The following PHF12 variants were observed in gnomAD, a reference collection of about 807,000 sequenced individuals.
The protein encoded by PHF12 is PHD factor 1.
In PHF12, 6 loss-of-function variants were observed where a neutral mutation model predicts 99.8. That is an observed-to-expected ratio of 0.06 (90% CI 0.03 to 0.12). The LOEUF (loss-of-function observed/expected upper bound fraction) is 0.12, where lower values mean the gene tolerates loss of function less well. Among genes scored for constraint, PHF12 ranks in the 10% least tolerant of loss-of-function variants. PHF12 has a pLI of 1.00. For missense variants in PHF12, 954 were observed against 1,300.1 expected, an observed-to-expected ratio of 0.73 and a Z score of 4.09; for synonymous variants, 480 against 514.9, an observed-to-expected ratio of 0.93 and a Z score of 0.92.
Position 28,950,740 on chromosome 17 carries a change from C to G in PHF12, c.66+155G>C, listed in dbSNP as rs1598170044. ...CGTCCTCGGAGGCTGAGCTCAGCCC[C>G]CTAAATTGCAAAGAGGGGAGGGAGA... On this transcript the variant is annotated intron_variant, in intron 1 of 14. Transcript: ENST00000332830. This position sits in a 1 kb window ranked among gnomAD's most constrained non-coding sequence, Gnocchi z 5.7. 14 of 1,120,962 alleles carry G rather than the reference C, an allele frequency of 1.2e-5. No homozygotes were observed. In the South Asian group the frequency reaches 2.4e-4, roughly 19 times the overall value. 69.4% of individuals were successfully genotyped at this position (1,120,962 alleles called of 1,614,324 possible). A position where few individuals can be genotyped will look rare whatever the true frequency, so the allele number is the denominator to read the frequency against.
chr17:28,950,884 G>A lies in PHF12; in HGVS notation c.66+11C>T, dbSNP rs752640860. On this transcript the variant is annotated intron_variant, in intron 1 of 14. Transcript: ENST00000332830. This position sits in a 1 kb window ranked among gnomAD's most constrained non-coding sequence, Gnocchi z 5.7. Reference sequence around the variant, plus strand: ...GCGCTGGAGGAAGGAGATGAGGAGGGCCACTCTTACCTCCATCAGCCCCCC... The same window carrying A: ...GCGCTGGAGGAAGGAGATGAGGAGGACCACTCTTACCTCCATCAGCCCCCC... 8 of 1,612,676 alleles carry A rather than the reference G, an allele frequency of 5.0e-6. No homozygotes were observed. In the South Asian group the frequency reaches 6.6e-5, roughly 13 times the overall value.
intron 2 of PHF12, among the ~76,000 whole-genome samples, chr17:28,948,861 A>C (rs1345053354): frequency 6.6e-6 from 1 of 152,224 alleles, no homozygotes; most frequent in Non-Finnish European, 1.5e-5. Flanking sequence ...CCCCTGCCTC[A>C]GTCAACTGTT....
chr17:28,938,868 A>G (rs1173811302), intron 2 of PHF12, among the ~76,000 whole-genome samples: 1 of 152,142 alleles, frequency 6.6e-6, no homozygotes, highest in Admixed American at 6.5e-5. Flanking sequence ...TTATGAGTTG[A>G]ACATACTTCT....
At chr17:28,926,828 C>A in intron 3 of PHF12, 163 bp downstream of exon 3, 2 of 1,537,260 alleles carry the variant, frequency 1.3e-6, no homozygotes, top group Non-Finnish European at 1.7e-6. Flanking sequence ...TTAGGCCCTA[C>A]TGGATTCCAA....
intron 7 of PHF12, among the ~76,000 whole-genome samples, chr17:28,915,391 G>A (rs968660218): frequency 6.7e-6 from 1 of 149,948 alleles, no homozygotes; most frequent in African/African-American, 2.5e-5. Context: ...AGGAGGAAGA[G>A]CAGATGTGGA....
chr17:28,942,026 T>C (rs568773453), intron 2 of PHF12, among the ~76,000 whole-genome samples: 1 of 152,324 alleles, frequency 6.6e-6, no homozygotes, highest in East Asian at 1.9e-4. Context: ...TGGTGGATTT[T>C]TTGTACTTCC....
chr17:28,929,593 C>T (rs1371481078), intron 2 of PHF12: 1 of 152,192 alleles, frequency 6.6e-6, no homozygotes, highest in Non-Finnish European at 1.5e-5. Context: ...ACCATTTCTA[C>T]ATAAAATAGC....
intron 5 of PHF12, among the ~76,000 whole-genome samples, chr17:28,920,429 C>G (rs1373997129): frequency 1.3e-5 from 2 of 152,234 alleles, no homozygotes; most frequent in Admixed American, 1.3e-4. Context: ...GAGACTATAA[C>G]TGGGGCAGCC....
intron 2 of PHF12, among the ~76,000 whole-genome samples, chr17:28,948,906 C>A (rs549552282): frequency 1.3e-5 from 2 of 152,260 alleles, no homozygotes; most frequent in South Asian, 4.1e-4. Context: ...TAGAACAAGA[C>A]GAAATCTGGG....
Position 28,913,888 on chromosome 17 carries a change from C to T in PHF12, c.1284G>A (p.Glu428=). 2 of 1,606,010 alleles carry T rather than the reference C, an allele frequency of 1.2e-6. No homozygotes were observed. Among genetic ancestry groups the T allele is most frequent in the Non-Finnish European group, 1.7e-6 (2 of 1,173,834 alleles). Residue 428 remains glutamate (E), a synonymous_variant, in exon 8 of 15, where the codon GAG becomes GAA. Coordinates refer to ENST00000332830, the MANE Select transcript of PHF12 (RefSeq NM_001033561.2). The part of the protein sequence containing the change: ...LNSEHLATQA[E]QQEWLCSVVA... ...CCCCACCTTCACTCACCTCTTGCTG[C>T]TCTGCTTGGGTGGCTAAGTGCTCAG...
rs929167536 is a variant in PHF12 at position 28,949,409 on chromosome 17, C to A, written c.248+656G>T. ...AAGCGGCGAGATCCCAGACGGGGCC[C>A]CCGAGGAGCTTCTGCAGAAAGGACT... On this transcript the variant is annotated intron_variant, in intron 2 of 14. Transcript: ENST00000332830. The surrounding 1 kb of genome is among the most constrained non-coding windows in gnomAD (Gnocchi z 4.6). Among the ~76,000 whole-genome samples, 3 of 152,180 alleles carry A rather than the reference C, an allele frequency of 2.0e-5. No homozygotes were observed. Among genetic ancestry groups the A allele is most frequent in the Non-Finnish European group, 4.4e-5 (3 of 68,028 alleles).
At chr17:28,942,035 C>T (rs1462554288) in intron 2 of PHF12, among the ~76,000 whole-genome samples, 1 of 152,110 alleles carries the variant, frequency 6.6e-6, no homozygotes, top group Non-Finnish European at 1.5e-5. Context: ...TTTTGTACTT[C>T]CTCTAAGGCA....
intron 2 of PHF12, among the ~76,000 whole-genome samples, chr17:28,935,110 T>C (rs1198729268): frequency 2.0e-5 from 3 of 152,200 alleles, no homozygotes; most frequent in African/African-American, 7.2e-5. Flanking sequence ...TAGGCAGAGA[T>C]GACAGTGCCC....
chr17:28,940,483 A>G (rs1422904418), intron 2 of PHF12, among the ~76,000 whole-genome samples: 1 of 152,214 alleles, frequency 6.6e-6, no homozygotes, highest in Non-Finnish European at 1.5e-5. Context: ...CTTATTGTGA[A>G]TTCCACAACA....
chr17:28,943,545 G>A (rs960479540), intron 2 of PHF12, among the ~76,000 whole-genome samples: 1 of 152,034 alleles, frequency 6.6e-6, no homozygotes, highest in African/African-American at 2.4e-5. Context: ...CAGGAGAATC[G>A]CTTGAACCTG....
At chr17:28,942,954 T>A (rs778349040) in intron 2 of PHF12, among the ~76,000 whole-genome samples, 1 of 151,742 alleles carries the variant, frequency 6.6e-6, no homozygotes, top group Non-Finnish European at 1.5e-5. Context: ...TATAAAGAAC[T>A]CTCATAACTC....
intron 10 of PHF12, 143 bp from the exon 11 acceptor site, chr17:28,910,512 T>C: frequency 9.7e-7 from 1 of 1,035,426 alleles, no homozygotes. Flanking sequence ...GTGCAGAGCG[T>C]ACAAGGATCT....
chr17:28,905,593 AG>A lies in PHF12; in HGVS notation c.*589del, dbSNP rs937889426. 2 of 152,670 alleles carry A rather than the reference AG, an allele frequency of 1.3e-5. No homozygotes were observed. Among genetic ancestry groups the A allele is most frequent in the African/African-American group, 4.8e-5 (2 of 41,456 alleles). The allele number at this position is 152,670 out of a possible 1,614,324, so 9.5% of individuals were successfully genotyped here. ...TTTGAAATAAAATAGATGGACAGCC[AG>A]AAAAAGAATTCATTTCTCATTTGTC... is the stretch of plus-strand genomic sequence containing the variant. On this transcript the variant is annotated 3_prime_UTR_variant, in exon 15 of 15. Transcript: ENST00000332830.
At position 28,906,308 on chromosome 17, in the gene PHF12, T is replaced by C. The variant is rs2039870852; in HGVS notation, c.2890A>G (p.Ile964Val). The C allele has an allele frequency of 1.9e-6, 3 of 1,614,232 alleles. No individual in the cohort carries two copies. The highest frequency in any genetic ancestry group is 2.5e-6 in the Non-Finnish European group (3 of 1,180,026). Residue 964 changes from isoleucine to valine, a missense_variant, in exon 15 of 15, where the codon ATC becomes GTC. Transcript: ENST00000332830. This position sits in a 1 kb window ranked among gnomAD's most constrained non-coding sequence, Gnocchi z 4.2. ...KLGCLQFVFS[I>V]TEFATKQPKG... The stretch of plus-strand genomic sequence containing the variant: ...GGCTGTTTGGTCGCAAACTCAGTGA[T>C]GCTGAAGACAAACTGCAGGCAGCCC...
Sources: gnomAD v4.1 joint callset for allele counts (sites outside exome capture counted in the v4.1 genomes callset) on GRCh38, gnomAD v4.1.1 for gene constraint, Gnocchi (gnomAD v3.1) non-coding constraint, MANE v1.5 for transcripts, NCBI Gene and HGNC (gene_info 2026-07-23, HGNC 2026-07-21) for gene names.